The following PTPRN2 variants were observed in gnomAD, a reference collection of about 807,000 sequenced individuals.
PTPRN2 encodes the protein receptor-type tyrosine-protein phosphatase N2.
Under a neutral mutation model 118.8 loss-of-function variants are expected in PTPRN2, and 74 were observed. That is an observed-to-expected ratio of 0.62 (90% CI 0.52 to 0.76). The LOEUF (loss-of-function observed/expected upper bound fraction) is 0.76, where lower values mean the gene tolerates loss of function less well. Among genes scored for constraint, PTPRN2 ranks in the 30% least tolerant of loss-of-function variants. The pLI is 0.00. For missense variants in PTPRN2, 1,481 were observed against 1,394.4 expected (o/e 1.06, Z -0.99); for synonymous variants, 641 against 608.0 (o/e 1.05, Z -0.80).
At chr7:157,783,974 C>G (rs1252684645) in intron 12 of PTPRN2, among the ~76,000 whole-genome samples, 1 of 152,184 alleles carries the variant, frequency 6.6e-6, no homozygotes, top group Non-Finnish European at 1.5e-5. Flanking sequence ...CAGAGCGCAG[C>G]TGCTGTCCCA....
At position 158,151,125 on chromosome 7, in the gene PTPRN2, CACCGCCCGCCTT is replaced by C. The variant is rs1563520941; in HGVS notation, c.911-12622_911-12611del. Among the ~76,000 whole-genome samples, 226 of 117,208 alleles carry C rather than the reference CACCGCCCGCCTT, an allele frequency of 1.9e-3. 8 individuals are homozygous for C. The highest frequency in any genetic ancestry group is 7.1e-3 in the African/African-American group (214 of 30,200). 76.9% of individuals were successfully genotyped at this position (117,208 alleles called of 152,430 possible). A position where few individuals can be genotyped will look rare whatever the true frequency, so the allele number is the denominator to read the frequency against. ...GCCTTTCTGCTCCTACCCCTGCCCA[CACCGCCCGCCTT>C]TCTATTCCTGCCTCTCCCTGCCCAC... is the stretch of plus-strand genomic sequence containing the variant. On this transcript the variant is annotated intron_variant, in intron 6 of 22. Transcript: ENST00000389418.
chr7:158,222,279 A>G (rs1480809167), intron 3 of PTPRN2, among the ~76,000 whole-genome samples: 1 of 152,156 alleles, frequency 6.6e-6, no homozygotes, highest in Admixed American at 6.5e-5. Flanking sequence ...GCACCTGTAC[A>G]TTCATCACGG....
rs914996107 is a variant in PTPRN2, at chr7:157,730,404, G to A, written c.1789-47467C>T. 2.4e-4 allele frequency among the ~76,000 whole-genome samples: 36 copies of A among 152,196 alleles called. 1 individual carries two copies. The highest frequency in any genetic ancestry group is 7.2e-4 in the African/African-American group (30 of 41,444). On this transcript the variant is annotated intron_variant, in intron 12 of 22. Transcript: ENST00000389418. ...CAAAACAGAGGAGGGTGTCGCAAGC[G>A]GCAGACATTTGAAAGCAGCTTAAGC...
rs539316978 is a variant in PTPRN2, at chr7:157,666,271, C to T, written c.2002-9720G>A. Among the ~76,000 whole-genome samples, 3 of 152,116 alleles carry T rather than the reference C, an allele frequency of 2.0e-5. No individual in the cohort carries two copies. In the East Asian group the frequency reaches 5.8e-4, roughly 29 times the overall value. ...TTCCGGAAAGCTCTGAAGGTCCCTGCGTCTCAGTATAGCTGCTCTGTAGCT... is the reference window on the plus strand; with the variant it reads ...TTCCGGAAAGCTCTGAAGGTCCCTGTGTCTCAGTATAGCTGCTCTGTAGCT... On this transcript the variant is annotated intron_variant, in intron 13 of 22. Transcript: ENST00000389418.
At position 158,474,245 on chromosome 7, in the gene PTPRN2, C is replaced by T. The variant is rs1183074176; in HGVS notation, c.163+15490G>A. On this transcript the variant is annotated intron_variant, in intron 2 of 22. Transcript: ENST00000389418. ...CAAAACTTGCTCCTTCATCAAAAAG[C>T]GGAGTAAACCGGGAGATTCAGCCAT... Among the ~76,000 whole-genome samples the T allele has an allele frequency of 2.6e-5, 4 of 152,188 alleles. No homozygotes were observed. In the East Asian group the frequency reaches 5.8e-4, roughly 22 times the overall value.
At chr7:158,488,804 G>A (rs1316014995) in intron 2 of PTPRN2, among the ~76,000 whole-genome samples, 1 of 152,272 alleles carries the variant, frequency 6.6e-6, no homozygotes. Context: ...GCAGGGAGCT[G>A]GGGAAAGAGA....
At chr7:158,102,117 C>T (rs984584978) in intron 10 of PTPRN2, among the ~76,000 whole-genome samples, 1 of 152,138 alleles carries the variant, frequency 6.6e-6, no homozygotes. Context: ...CCAGGCAGCC[C>T]TCAGCCCACG....
intron 9 of PTPRN2, among the ~76,000 whole-genome samples, chr7:158,126,112 C>T (rs1216842232): frequency 8.3e-5 from 9 of 107,794 alleles, no homozygotes; most frequent in African/African-American, 2.5e-4. Flanking sequence ...GGACAGCGGG[C>T]GGCGGAACTT....
At position 157,982,135 on chromosome 7, in the gene PTPRN2, G is replaced by GGGT. The variant is rs1563295720; in HGVS notation, c.1724-83399_1724-83398insACC. ...GACAAGGAGGGGAATGCAGAGTGCA[G>GGGT]CGTCCCCCATAAACCCCGAGTCACA... On this transcript the variant is annotated intron_variant, in intron 11 of 22. Coordinates refer to ENST00000389418, the MANE Select transcript of PTPRN2 (RefSeq NM_002847.5). Among the ~76,000 whole-genome samples, 34 of 131,040 alleles carry GGGT rather than the reference G, an allele frequency of 2.6e-4. 4 individuals are homozygous for GGGT. Among genetic ancestry groups the GGGT allele is most frequent in the Admixed American group, 8.5e-4 (11 of 12,962 alleles). The allele number at this position is 131,040 out of a possible 152,430, so 86.0% of individuals were successfully genotyped here. A position where few individuals can be genotyped will look rare whatever the true frequency, so the allele number is the denominator to read the frequency against.
intron 11 of PTPRN2, among the ~76,000 whole-genome samples, chr7:158,072,271 G>A (rs1392748719): frequency 2.0e-5 from 3 of 152,226 alleles, no homozygotes; most frequent in African/African-American, 7.2e-5. Flanking sequence ...TCCGAGGCCT[G>A]ATGGTGTGCA....
At chr7:158,342,519 C>G (rs71547519) in intron 2 of PTPRN2, among the ~76,000 whole-genome samples, 1 of 106,064 alleles carries the variant, frequency 9.4e-6, no homozygotes, top group South Asian at 4.0e-4. Flanking sequence ...ACCATAAGAG[C>G]TGACACCTGC....
intron 6 of PTPRN2, among the ~76,000 whole-genome samples, chr7:158,155,148 T>G (rs1821585999): frequency 6.6e-6 from 1 of 152,200 alleles, no homozygotes; most frequent in African/African-American, 2.4e-5. Context: ...GTCAGGATAT[T>G]AAATGTGTAA....
At chr7:158,242,168 A>G (rs1042940988) in intron 3 of PTPRN2, among the ~76,000 whole-genome samples, 3 of 152,154 alleles carry the variant, frequency 2.0e-5, no homozygotes, top group African/African-American at 4.8e-5. Context: ...AAGGAGCTGA[A>G]CCTAAAGTTT....
At chr7:157,747,722 A>G (rs1585366713) in intron 12 of PTPRN2, among the ~76,000 whole-genome samples, 4 of 92,782 alleles carry the variant, frequency 4.3e-5, no homozygotes, top group Non-Finnish European at 8.3e-5. Context: ...TGGGCTGTTG[A>G]GGTGATTCTG....
intron 13 of PTPRN2, among the ~76,000 whole-genome samples, chr7:157,664,768 G>A (rs1321758749): frequency 3.9e-5 from 6 of 152,172 alleles, no homozygotes; most frequent in Non-Finnish European, 5.9e-5. Context: ...GCCTACACCC[G>A]CCAAAAATAC....
Position 158,209,113 on chromosome 7 carries a change from TA to T in PTPRN2, c.278-3841del, listed in dbSNP as rs34181322. On this transcript the variant is annotated intron_variant, in intron 3 of 22. Coordinates refer to ENST00000389418, the MANE Select transcript of PTPRN2 (RefSeq NM_002847.5). ...ACCACCAAAGAAAATCACTTTCACT[TA>T]AAAAAAAAAGTAAGGAAAGAAATAA... Among the ~76,000 whole-genome samples, 103 of 147,788 alleles carry T rather than the reference TA, an allele frequency of 7.0e-4. 1 individual carries two copies. Among genetic ancestry groups the T allele is most frequent in the African/African-American group, 1.8e-3 (74 of 40,598 alleles).
At chr7:157,723,250 GC>G (rs1799344484) in intron 12 of PTPRN2, among the ~76,000 whole-genome samples, 1 of 152,174 alleles carries the variant, frequency 6.6e-6, no homozygotes, top group African/African-American at 2.4e-5. Flanking sequence ...CCTGGCCTCT[GC>G]CCCCACACTC....
intron 12 of PTPRN2, among the ~76,000 whole-genome samples, chr7:157,888,123 G>C (rs1166996451): frequency 6.6e-6 from 1 of 151,832 alleles, no homozygotes; most frequent in Admixed American, 6.5e-5. Flanking sequence ...CGGACGGTCT[G>C]AGATTGCTGG....
intron 13 of PTPRN2, among the ~76,000 whole-genome samples, chr7:157,666,942 G>T (rs886993687): frequency 3.3e-5 from 5 of 151,446 alleles, no homozygotes; most frequent in African/African-American, 1.2e-4. Flanking sequence ...TCTCTGGTGG[G>T]TGCAATGAGT....
Sources: gnomAD v4.1 joint callset for allele counts (sites outside exome capture counted in the v4.1 genomes callset) on GRCh38, gnomAD v4.1.1 for gene constraint, MANE v1.5 for transcripts, NCBI Gene and HGNC (gene_info 2026-07-23, HGNC 2026-07-21) for gene names.